C6orf62: variants seen among roughly 807,000 people sequenced by gnomAD.
C6orf62 encodes chromosome 6 open reading frame 62.
C6orf62 carries 16 observed loss-of-function variants against 26.8 expected under a neutral mutation model. That is an observed-to-expected ratio of 0.60 (90% CI 0.40 to 0.91). The LOEUF is 0.91. C6orf62 is among the 40% of genes least tolerant of loss of function. The pLI is 0.00. For missense variants in C6orf62, 192 were observed against 271.4 expected (o/e 0.71, Z 2.06); for synonymous variants, 112 against 91.5 (o/e 1.22, Z -1.28).
rs563918180 is a variant in C6orf62, at chr6:24,719,069, C to A, written c.-401G>T. 4.0e-4 allele frequency: 400 copies of A among 1,003,822 alleles called. No individual in the cohort carries two copies. Among genetic ancestry groups the A allele is most frequent in the Non-Finnish European group, 4.6e-4 (390 of 842,498 alleles). 62.2% of individuals were successfully genotyped at this position (1,003,822 alleles called of 1,614,324 possible). On this transcript the variant is annotated 5_prime_UTR_variant, in exon 1 of 5. Coordinates refer to ENST00000378119, the MANE Select transcript of C6orf62 (RefSeq NM_030939.5). ...GCAATAAAACACAGCTGACACCAGA[C>A]CAATCCCTAAAATCCATCCGGATTT...
intron 1 of C6orf62, among the ~76,000 whole-genome samples, 174 bp from the exon 2 acceptor site, chr6:24,716,498 CCCCCT>C (rs1376633618): frequency 6.6e-6 from 1 of 152,150 alleles, no homozygotes; most frequent in African/African-American, 2.4e-5. Flanking sequence ...TCCCCTACCT[CCCCCT>C]CCAACCATAC....
At chr6:24,717,537 T>C (rs1338702700) in intron 1 of C6orf62, among the ~76,000 whole-genome samples, 2 of 152,240 alleles carry the variant, frequency 1.3e-5, no homozygotes. Flanking sequence ...CTCCTGCCTG[T>C]AATCCCAGCA....
At chr6:24,706,395 A>G in intron 4 of C6orf62, 133 bp from the exon 5 acceptor site, 1 of 1,312,990 alleles carries the variant, frequency 7.6e-7, no homozygotes, top group South Asian at 1.7e-5. Context: ...CCCTATCCAT[A>G]TTCTAGACAG....
At chr6:24,719,765 T>G, upstream of C6orf62, 1 of 1,544,454 alleles carries the variant, frequency 6.5e-7, no homozygotes, top group Middle Eastern at 2.2e-4. Flanking sequence ...GGTGGCGGGT[T>G]CTTCTCCCAA....
chr6:24,719,860 T>G, upstream of C6orf62: 1 of 1,205,696 alleles, frequency 8.3e-7, no homozygotes, highest in African/African-American at 1.7e-5. Context: ...AGCGACTCAC[T>G]CGCACCACGG....
rs1038298817 is a variant in C6orf62, at chr6:24,718,906, G to A, written c.-238C>T. On this transcript the variant is annotated 5_prime_UTR_variant, in exon 1 of 5. Transcript: ENST00000378119. ...GTCATGTTTGGACAATAACGTTTGG[G>A]GTCAGACGGGAAAAAGGGAGGAAAG... The A allele has an allele frequency of 7.7e-7, 1 of 1,298,662 alleles. No individual in the cohort carries two copies. Among genetic ancestry groups the A allele is most frequent in the Non-Finnish European group, 9.8e-7 (1 of 1,025,550 alleles). The allele number at this position is 1,298,662 out of a possible 1,614,324, so 80.4% of individuals were successfully genotyped here.
upstream of C6orf62, chr6:24,719,554 T>G: frequency 8.3e-7 from 1 of 1,210,694 alleles, no homozygotes; most frequent in Non-Finnish European, 1.0e-6. Flanking sequence ...AGGAGAATCA[T>G]GACGGCAGAA....
chr6:24,719,975 A>G (rs1766144853), upstream of C6orf62: 1 of 1,545,930 alleles, frequency 6.5e-7, no homozygotes, highest in African/African-American at 1.4e-5. Flanking sequence ...GTGGGGGAAA[A>G]AAAGAAAATA....
At chr6:24,710,500 G>C (rs912532544) in intron 3 of C6orf62, 9 of 716,842 alleles carry the variant, frequency 1.3e-5, no homozygotes, top group Non-Finnish European at 1.5e-5. Context: ...CCGACCTCAG[G>C]TGATCCATCT....
At chr6:24,717,208 T>C (rs1427017477) in intron 1 of C6orf62, among the ~76,000 whole-genome samples, 2 of 152,222 alleles carry the variant, frequency 1.3e-5, no homozygotes, top group Admixed American at 6.5e-5. Flanking sequence ...TTATCGTTGG[T>C]GTTAAAGAAT....
At chr6:24,708,969 C>T in intron 3 of C6orf62, 58 bp from the exon 4 acceptor site, 1 of 1,607,444 alleles carries the variant, frequency 6.2e-7, no homozygotes, top group African/African-American at 1.3e-5. Flanking sequence ...TACCTATCTG[C>T]ATCTATATGC....
upstream of C6orf62, chr6:24,720,270 TGGCGGC>T (rs1008701467): frequency 3.1e-6 from 4 of 1,294,558 alleles, no homozygotes; most frequent in Non-Finnish European, 3.9e-6. Context: ...GGCGGAGCGG[TGGCGGC>T]GGCGGAAGAG....
intron 4 of C6orf62, among the ~76,000 whole-genome samples, chr6:24,707,707 T>C (rs1486987700): frequency 6.6e-6 from 1 of 152,102 alleles, no homozygotes; most frequent in Non-Finnish European, 1.5e-5. Context: ...CTCATCCTTT[T>C]AGATTTAAAA....
At chr6:24,717,360 CAACAA>C (rs752799284) in intron 1 of C6orf62, among the ~76,000 whole-genome samples, 88 of 152,306 alleles carry the variant, frequency 5.8e-4, no homozygotes, top group African/African-American at 1.2e-3. Context: ...GTCAGCTTGT[CAACAA>C]AACAAAAGTG....
chr6:24,714,799 A>C (rs184782747), intron 2 of C6orf62, among the ~76,000 whole-genome samples: 62 of 152,216 alleles, frequency 4.1e-4, no homozygotes, highest in Admixed American at 2.0e-3. Flanking sequence ...TTGTATTTTT[A>C]ATAGAGACGG....
chr6:24,719,498 C>A, upstream of C6orf62: 1 of 1,123,320 alleles, frequency 8.9e-7, no homozygotes, highest in Non-Finnish European at 1.1e-6. Context: ...CCAACTTCCC[C>A]ATCACCCACA....
chr6:24,717,435 A>G (rs2127636398), intron 1 of C6orf62, among the ~76,000 whole-genome samples: 1 of 152,346 alleles, frequency 6.6e-6, no homozygotes. Context: ...ATTACTTAAA[A>G]ATCACTTCAC....
upstream of C6orf62, chr6:24,720,354 C>T: frequency 8.1e-7 from 1 of 1,238,994 alleles, no homozygotes; most frequent in Non-Finnish European, 1.0e-6. Context: ...CACCAGCCAA[C>T]TGAGCCCCTC....
Position 24,718,672 on chromosome 6 carries a change from G to A in C6orf62, c.-4C>T. The A allele has an allele frequency of 1.2e-6, 2 of 1,613,744 alleles. No homozygotes were observed. Among genetic ancestry groups the A allele is most frequent in the Non-Finnish European group, 1.7e-6 (2 of 1,179,960 alleles). ...TCCGGGAGTTTGGGTCCCCCATTTT[G>A]AAATACAGGTGGTACTAAAGCCTTT... On this transcript the variant is annotated 5_prime_UTR_variant, in exon 1 of 5. Coordinates refer to ENST00000378119, the MANE Select transcript of C6orf62 (RefSeq NM_030939.5).
Sources: allele counts gnomAD v4.1 joint callset (sites outside exome capture counted in the v4.1 genomes callset), GRCh38; gene constraint gnomAD v4.1.1; transcripts MANE v1.5; gene names NCBI Gene and HGNC (gene_info 2026-07-23, HGNC 2026-07-21).